GRM7: variants seen among roughly 807,000 people sequenced by gnomAD.
The protein encoded by GRM7 is glutamate metabotropic receptor 7.
GRM7 carries 35 observed loss-of-function variants against 84.5 expected under a neutral mutation model. That is an observed-to-expected ratio of 0.41 (90% CI 0.32 to 0.55). GRM7 has a LOEUF of 0.55. Among genes scored for constraint, GRM7 ranks in the 20% least tolerant of loss-of-function variants. The pLI is 0.19. For synonymous variants in GRM7, 487 were observed against 455.1 expected (o/e 1.07, Z -0.89); for missense variants, 1,003 against 1,194.6 (o/e 0.84, Z 2.36).
intron 2 of GRM7, among the ~76,000 whole-genome samples, chr3:7,227,072 T>G (rs1029623103): frequency 6.6e-6 from 1 of 152,188 alleles, no homozygotes; most frequent in Non-Finnish European, 1.5e-5. Flanking sequence ...TACCTGGTTG[T>G]AATTTTTATT....
chr3:7,423,004 C>T (rs556181096), intron 5 of GRM7, among the ~76,000 whole-genome samples: 2 of 152,050 alleles, frequency 1.3e-5, no homozygotes, highest in Non-Finnish European at 2.9e-5. Flanking sequence ...GACCAGATGC[C>T]CAAGTGGAGG....
intron 2 of GRM7, among the ~76,000 whole-genome samples, chr3:7,238,427 A>G (rs1697423080): frequency 6.6e-6 from 1 of 150,994 alleles, no homozygotes; most frequent in African/African-American, 2.5e-5. Flanking sequence ...TGAGCCTAGA[A>G]AGCTATTTTT....
chr3:7,627,403 A>C (rs1697663390), intron 8 of GRM7, among the ~76,000 whole-genome samples: 2 of 152,106 alleles, frequency 1.3e-5, no homozygotes, highest in African/African-American at 4.8e-5. Flanking sequence ...TAGCTTATTA[A>C]AGTTAGAAAT....
chr3:7,226,263 C>T (rs554789136), intron 2 of GRM7, among the ~76,000 whole-genome samples: 1 of 152,236 alleles, frequency 6.6e-6, no homozygotes, highest in East Asian at 1.9e-4. Flanking sequence ...AGTTTGCTGT[C>T]ATGGTGTCAG....
chr3:7,463,062 G>C (rs1346809616), intron 7 of GRM7, among the ~76,000 whole-genome samples: 4 of 152,156 alleles, frequency 2.6e-5, no homozygotes, highest in Non-Finnish European at 4.4e-5. Context: ...CACACTCAAA[G>C]TGTGTTTTTA....
At chr3:7,607,977 C>T (rs1330335227) in intron 8 of GRM7, 7 of 280,448 alleles carry the variant, frequency 2.5e-5, no homozygotes, top group East Asian at 1.2e-4. Flanking sequence ...AGTGAGAACA[C>T]ACCATATTCT....
intron 1 of GRM7, among the ~76,000 whole-genome samples, chr3:6,991,726 AAACTAATT>A (rs1205797426): frequency 6.6e-6 from 1 of 152,222 alleles, no homozygotes; most frequent in Non-Finnish European, 1.5e-5. Context: ...TACCACAACC[AAACTAATT>A]AACACATCCA....
At chr3:6,877,766 A>G (rs1016762452) in intron 1 of GRM7, among the ~76,000 whole-genome samples, 3 of 151,756 alleles carry the variant, frequency 2.0e-5, no homozygotes, top group Non-Finnish European at 2.9e-5. Flanking sequence ...GACATGAAAA[A>G]TTTTAAATTG....
intron 1 of GRM7, among the ~76,000 whole-genome samples, chr3:6,996,129 A>C (rs1352165626): frequency 6.6e-6 from 1 of 151,792 alleles, no homozygotes; most frequent in African/African-American, 2.4e-5. Flanking sequence ...GCTCACTGCA[A>C]CCTCCTCCTC....
intron 1 of GRM7, among the ~76,000 whole-genome samples, chr3:6,973,372 G>T (rs1362930522): frequency 6.6e-6 from 1 of 151,944 alleles, no homozygotes; most frequent in Non-Finnish European, 1.5e-5. Context: ...GAAATAATTG[G>T]CATCCCTATT....
intron 4 of GRM7, among the ~76,000 whole-genome samples, chr3:7,370,778 T>C (rs1694099615): frequency 6.6e-6 from 1 of 152,170 alleles, no homozygotes; most frequent in African/African-American, 2.4e-5. Flanking sequence ...GGGTTGGTAC[T>C]TTAATATGTT....
chr3:6,991,349 T>G (rs1694627379), intron 1 of GRM7, among the ~76,000 whole-genome samples: 1 of 152,192 alleles, frequency 6.6e-6, no homozygotes, highest in Non-Finnish European at 1.5e-5. Flanking sequence ...CTGATTGCTT[T>G]CAGCAACCTT....
At chr3:7,330,246 T>C (rs1236571711) in intron 4 of GRM7, among the ~76,000 whole-genome samples, 1 of 152,170 alleles carries the variant, frequency 6.6e-6, no homozygotes, top group African/African-American at 2.4e-5. Flanking sequence ...ATGTTCAAGA[T>C]ATACTTGACG....
intron 4 of GRM7, among the ~76,000 whole-genome samples, chr3:7,325,503 C>T (rs1303256683): frequency 6.6e-6 from 1 of 152,120 alleles, no homozygotes; most frequent in Non-Finnish European, 1.5e-5. Context: ...GCAGCTGGCT[C>T]AGCTCAGGGA....
At chr3:7,604,936 T>G (rs889672946) in intron 8 of GRM7, among the ~76,000 whole-genome samples, 1 of 152,194 alleles carries the variant, frequency 6.6e-6, no homozygotes, top group African/African-American at 2.4e-5. Context: ...AAGTGCTTCC[T>G]TATCTAATCA....
At chr3:7,604,277 C>A (rs1696457661) in intron 8 of GRM7, among the ~76,000 whole-genome samples, 1 of 152,098 alleles carries the variant, frequency 6.6e-6, no homozygotes, top group Admixed American at 6.6e-5. Flanking sequence ...TAGGCCTAGC[C>A]TGATTATTTA....
At chr3:6,903,561 T>C (rs1020429227) in intron 1 of GRM7, among the ~76,000 whole-genome samples, 2 of 152,298 alleles carry the variant, frequency 1.3e-5, no homozygotes, top group East Asian at 1.9e-4. Context: ...GATGAGAACG[T>C]AGGCTGTTCT....
At chr3:7,650,870 A>T (rs902630036) in intron 8 of GRM7, among the ~76,000 whole-genome samples, 1 of 152,310 alleles carries the variant, frequency 6.6e-6, no homozygotes, top group Non-Finnish European at 1.5e-5. Flanking sequence ...GGCATGAGCC[A>T]CTGCATCCGG....
At chr3:7,298,621 C>T (rs1699893135) in intron 2 of GRM7, 63 bp from the exon 3 acceptor site, 2 of 1,412,270 alleles carry the variant, frequency 1.4e-6, no homozygotes, top group African/African-American at 2.8e-5. Flanking sequence ...CATCTACCTT[C>T]CTTGGCTCCT....
Sources: allele counts gnomAD v4.1 joint callset (sites outside exome capture counted in the v4.1 genomes callset), GRCh38; gene constraint gnomAD v4.1.1; transcripts MANE v1.5; gene names NCBI Gene and HGNC (gene_info 2026-07-23, HGNC 2026-07-21).